FRMD3: variants seen among roughly 807,000 people sequenced by gnomAD.
The protein encoded by FRMD3 is FERM domain containing 3, also known as FERM domain-containing protein 3.
FRMD3 carries 33 observed loss-of-function variants against 70.2 expected under a neutral mutation model. That is an observed-to-expected ratio of 0.47 (90% CI 0.36 to 0.63). FRMD3 has a LOEUF of 0.63. FRMD3 is among the 20% of genes least tolerant of loss of function. FRMD3 has a pLI of 0.00. For synonymous variants in FRMD3, 279 were observed against 255.9 expected (o/e 1.09, Z -0.86); for missense variants, 632 against 711.4 (o/e 0.89, Z 1.27).
rs1404943934 is a variant in FRMD3 at position 83,245,944 on chromosome 9, TAAAC to T, written c.*1970_*1973del. ...TAAATCAGTATCAACTTTCAGGTAA[TAAAC>T]AAACAATCTTTATTTAAAAAGCAAA... On this transcript the variant is annotated 3_prime_UTR_variant, in exon 14 of 14. Coordinates refer to ENST00000304195, the MANE Select transcript of FRMD3 (RefSeq NM_174938.6). 12 of 982,664 alleles carry T rather than the reference TAAAC, an allele frequency of 1.2e-5. No homozygotes were observed. Among genetic ancestry groups the T allele is most frequent in the East Asian group, 1.1e-4 (1 of 8,786 alleles). The allele number at this position is 982,664 out of a possible 1,614,324, so 60.9% of individuals were successfully genotyped here.
chr9:83,559,879 GT>G, the FRMD3 span, among the ~76,000 whole-genome samples: 1 of 151,706 alleles, frequency 6.6e-6, no homozygotes, highest in Non-Finnish European at 1.5e-5. Flanking sequence ...TTTAATACTT[GT>G]TCAATATTTA....
At chr9:83,421,192 T>G (rs1240148702) in intron 1 of FRMD3, among the ~76,000 whole-genome samples, 1 of 151,820 alleles carries the variant, frequency 6.6e-6, no homozygotes, top group Admixed American at 6.6e-5. Flanking sequence ...CGCCCGCCTC[T>G]GCCTCCCAAA....
chr9:83,390,528 T>C (rs1437758049), intron 1 of FRMD3, among the ~76,000 whole-genome samples: 3 of 152,180 alleles, frequency 2.0e-5, no homozygotes, highest in Non-Finnish European at 4.4e-5. Flanking sequence ...TGACCTTGGG[T>C]AAACCCCTAG....
chr9:83,513,181 A>T (rs917308578), intron 1 of FRMD3, among the ~76,000 whole-genome samples: 14 of 152,226 alleles, frequency 9.2e-5, no homozygotes, highest in Non-Finnish European at 1.9e-4. Context: ...AGTGTGAGCC[A>T]ACCTAGCCCT....
At chr9:83,568,230 A>T in the FRMD3 span, among the ~76,000 whole-genome samples, 3 of 152,228 alleles carry the variant, frequency 2.0e-5, no homozygotes, top group African/African-American at 7.2e-5. Context: ...AGCAGGGGAA[A>T]GATTGGCACC....
At chr9:83,309,259 TACACACACACACACACACACACACAC>T (rs3029557) in intron 10 of FRMD3, among the ~76,000 whole-genome samples, 1 of 138,308 alleles carries the variant, frequency 7.2e-6, no homozygotes, top group Non-Finnish European at 1.6e-5. Context: ...CTATTTGAAA[TACACACACACACACACACACACACAC>T]ACACACACAC....
At chr9:83,420,112 T>C (rs919419969) in intron 1 of FRMD3, among the ~76,000 whole-genome samples, 2 of 152,218 alleles carry the variant, frequency 1.3e-5, no homozygotes, top group African/African-American at 4.8e-5. Context: ...CAAAATGATA[T>C]GTCCAGCTGG....
upstream of FRMD3, among the ~76,000 whole-genome samples, chr9:83,540,322 T>C (rs556501919): frequency 5.3e-5 from 8 of 152,330 alleles, no homozygotes; most frequent in South Asian, 1.7e-3. Flanking sequence ...ATAGTGACCG[T>C]TAGGCTCCAA....
At chr9:83,461,455 G>A (rs1164401806) in intron 1 of FRMD3, among the ~76,000 whole-genome samples, 1 of 151,984 alleles carries the variant, frequency 6.6e-6, no homozygotes, top group Non-Finnish European at 1.5e-5. Context: ...CTAACACATG[G>A]GATAAACCCA....
rs761612909 is a variant in FRMD3 at position 83,248,481 on chromosome 9, G to A, written c.1231C>T (p.Pro411Ser). ...PLPKEENISA[P>S]LISSSPVKAA... is the part of the protein sequence containing the mutation. ...TTCACTGGGGAGCTGGAGATCAAGG[G>A]AGCAGAAATGTTCTCCTCTTTAGGC... is the stretch of plus-strand genomic sequence containing the variant. The change falls in exon 14 of 14, where the codon CCC (proline) becomes TCC (serine). Residue 411 changes from proline to serine, a missense_variant. By Grantham distance (74) the Pro-to-Ser change is moderately conservative. Around this residue, in one of 3 missense-constraint regions of FRMD3, gnomAD observed 418 missense variants for 442.1 expected, o/e 0.95. Coordinates refer to ENST00000304195, the MANE Select transcript of FRMD3 (RefSeq NM_174938.6). 1 of 1,612,102 alleles carries A rather than the reference G, an allele frequency of 6.2e-7. No homozygotes were observed.
At chr9:83,297,777 A>G (rs1682093711) in intron 12 of FRMD3, 1 of 471,804 alleles carries the variant, frequency 2.1e-6, no homozygotes, top group Non-Finnish European at 4.4e-6. Flanking sequence ...CTCCTCACCA[A>G]GTCACCCCAA....
intron 1 of FRMD3, among the ~76,000 whole-genome samples, chr9:83,505,014 G>C (rs1290394658): frequency 1.3e-5 from 2 of 152,140 alleles, no homozygotes; most frequent in East Asian, 3.9e-4. Context: ...TATCAGAGTT[G>C]CTACTTTCTT....
Position 83,248,310 on chromosome 9 carries a change from C to T in FRMD3, c.1402G>A (p.Asp468Asn), listed in dbSNP as rs1291162542. ...VDDDEIDMLF[D>N]CPSRLELERE... is the part of the protein sequence containing the mutation. ...TCCAACTCAAGCCTAGAAGGACAGT[C>T]AAAGAGCATGTCAATCTCATCGTCA... is the stretch of plus-strand genomic sequence containing the variant. Residue 468 changes from aspartate to asparagine, a missense_variant, in exon 14 of 14, where the codon GAC (aspartate) becomes AAC (asparagine). This residue lies in a region of FRMD3 where 418 missense variants were observed against 442.1 expected (regional missense o/e 0.95). Coordinates refer to ENST00000304195, the MANE Select transcript of FRMD3 (RefSeq NM_174938.6). The T allele has an allele frequency of 3.1e-6, 5 of 1,614,040 alleles. No individual in the cohort carries two copies. Among genetic ancestry groups the T allele is most frequent in the Admixed American group, 1.7e-5 (1 of 60,002 alleles).
rs1829918497 is a variant in FRMD3 at position 83,537,355 on chromosome 9, C to T, written c.147+730G>A. Among the ~76,000 whole-genome samples the T allele has an allele frequency of 6.6e-6, 1 of 152,218 alleles. No individual in the cohort carries two copies. Among genetic ancestry groups the T allele is most frequent in the Non-Finnish European group, 1.5e-5 (1 of 68,036 alleles). ...TCCACGGGGCTCTTTTACCCAGGAC[C>T]CAGGTTCCTGCAGGGCTCCCCACTT... On this transcript the variant is annotated intron_variant, in intron 1 of 13. Coordinates refer to ENST00000304195, the MANE Select transcript of FRMD3 (RefSeq NM_174938.6). This position sits in a 1 kb window ranked among gnomAD's most constrained non-coding sequence, Gnocchi z 4.1.
Position 83,310,350 on chromosome 9 carries a change from G to A in FRMD3, c.837+135C>T, listed in dbSNP as rs182498500. The stretch of plus-strand genomic sequence containing the variant: ...TTTGTTTGCCTCTAAAATATTTTTA[G>A]CATATAGCTTTCATTATCACCATAC... On this transcript the variant is annotated intron_variant, in intron 9 of 13. Transcript: ENST00000304195. 14 of 746,424 alleles carry A rather than the reference G, an allele frequency of 1.9e-5. No individual in the cohort carries two copies. The African/African-American group carries it at 2.5e-4, about 13-fold the overall frequency. The allele number at this position is 746,424 out of a possible 1,614,324, so 46.2% of individuals were successfully genotyped here.
rs948972202 is a variant in FRMD3, at chr9:83,247,867, A to C, written c.*51T>G. 17 of 1,578,844 alleles carry C rather than the reference A, an allele frequency of 1.1e-5. No homozygotes were observed. The highest frequency in any genetic ancestry group is 5.4e-5 in the African/African-American group (4 of 73,554). ...TTCAGAACCAGGCATTTGCTGAAAAAAAGAAATCACTAGCATTGAATATAG... is the reference window on the plus strand; with the variant it reads ...TTCAGAACCAGGCATTTGCTGAAAACAAGAAATCACTAGCATTGAATATAG... On this transcript the variant is annotated 3_prime_UTR_variant, in exon 14 of 14. Coordinates refer to ENST00000304195, the MANE Select transcript of FRMD3 (RefSeq NM_174938.6).
intron 1 of FRMD3, among the ~76,000 whole-genome samples, chr9:83,522,613 G>C (rs1441052464): frequency 6.7e-6 from 1 of 149,076 alleles, no homozygotes; most frequent in East Asian, 1.9e-4. Flanking sequence ...GCCTAGGCTG[G>C]AGTGCAGTGT....
chr9:83,279,436 C>G (rs1833897300), intron 13 of FRMD3: 1 of 152,048 alleles, frequency 6.6e-6, no homozygotes. Context: ...ACCATTTGTC[C>G]AAGGAATCTC....
chr9:83,270,947 C>T (rs1833526214), intron 13 of FRMD3, among the ~76,000 whole-genome samples: 1 of 151,040 alleles, frequency 6.6e-6, no homozygotes, highest in African/African-American at 2.4e-5. Context: ...TCTTAACATA[C>T]TATTACGAGT....
Sources: gnomAD v4.1 joint callset for allele counts (sites outside exome capture counted in the v4.1 genomes callset) on GRCh38, gnomAD v4.1.1 for gene constraint, gnomAD v4.1.1 regional missense constraint, Gnocchi (gnomAD v3.1) non-coding constraint, MANE v1.5 for transcripts, NCBI Gene and HGNC (gene_info 2026-07-23, HGNC 2026-07-21) for gene names.